Variants in SMCHD1 observed in about 807,000 individuals in gnomAD.
The protein encoded by SMCHD1 is structural maintenance of chromosomes flexible hinge domain-containing protein 1.
In SMCHD1, 78 loss-of-function variants were observed where a neutral mutation model predicts 254.7. That is an observed-to-expected ratio of 0.31 (90% CI 0.26 to 0.37). SMCHD1 has a LOEUF of 0.37. Among genes scored for constraint, SMCHD1 ranks in the 10% least tolerant of loss-of-function variants. The probability of loss-of-function intolerance (pLI) is 1.00; values close to 1 mark genes in which losing one functional copy is unlikely to be tolerated. For synonymous variants in SMCHD1, 766 were observed against 794.9 expected (o/e 0.96, Z 0.61); for missense variants, 1,840 against 2,408.1 (o/e 0.76, Z 4.94).
intron 19 of SMCHD1, among the ~76,000 whole-genome samples, chr18:2,720,874 C>T (rs1001968708): frequency 6.6e-6 from 1 of 152,192 alleles, no homozygotes; most frequent in Non-Finnish European, 1.5e-5. Flanking sequence ...TTCTTGGCCT[C>T]CCAAAGTGCT....
chr18:2,716,202 T>G (rs2074795583), intron 17 of SMCHD1, among the ~76,000 whole-genome samples: 1 of 152,210 alleles, frequency 6.6e-6, no homozygotes, highest in Non-Finnish European at 1.5e-5. Flanking sequence ...CTTTCTCCAG[T>G]GCTGGCTGTT....
chr18:2,784,391 CT>C (rs2076207026), intron 44 of SMCHD1, 58 bp from the exon 45 acceptor site: 2 of 1,378,660 alleles, frequency 1.5e-6, no homozygotes, highest in Admixed American at 2.8e-5. Context: ...ATTATTTCTC[CT>C]TTTTTGGAGC....
At chr18:2,672,636 G>A (rs560184281) in intron 3 of SMCHD1, among the ~76,000 whole-genome samples, 16 of 152,218 alleles carry the variant, frequency 1.1e-4, no homozygotes, top group Non-Finnish European at 2.1e-4. Context: ...ATAAAAGCAG[G>A]AAATAGTGTG....
intron 34 of SMCHD1, among the ~76,000 whole-genome samples, chr18:2,758,834 G>A (rs9303910): frequency 0.4 from 60,192 of 151,778 alleles, 12,711 homozygotes; most frequent in South Asian, 0.6. Context: ...CAGTTTTACT[G>A]TGATATGTCT....
intron 19 of SMCHD1, 146 bp from the exon 20 acceptor site, chr18:2,722,373 T>C (rs2074945526): frequency 1.5e-6 from 1 of 684,174 alleles, no homozygotes; most frequent in African/African-American, 1.8e-5. Flanking sequence ...ACATATAATT[T>C]TTGCGCTGAT....
intron 3 of SMCHD1, among the ~76,000 whole-genome samples, chr18:2,670,282 T>A (rs2073559880): frequency 6.6e-6 from 1 of 152,136 alleles, no homozygotes; most frequent in South Asian, 2.1e-4. Flanking sequence ...GCCCTCTGCT[T>A]GGAATGCTTT....
At chr18:2,705,170 G>T (rs1344428923) in intron 13 of SMCHD1, among the ~76,000 whole-genome samples, 1 of 152,138 alleles carries the variant, frequency 6.6e-6, no homozygotes, top group Admixed American at 6.6e-5. Flanking sequence ...TTTAGAAATG[G>T]GGCAGGCAAG....
At chr18:2,674,560 T>G (rs555765301) in intron 5 of SMCHD1, among the ~76,000 whole-genome samples, 45 of 152,186 alleles carry the variant, frequency 3.0e-4, no homozygotes, top group Non-Finnish European at 4.9e-4. Flanking sequence ...TGCAAAACAT[T>G]CAGGAGTGGA....
chr18:2,690,926 G>A (rs570143678), intron 7 of SMCHD1, among the ~76,000 whole-genome samples: 2 of 147,388 alleles, frequency 1.4e-5, no homozygotes, highest in South Asian at 4.3e-4. Flanking sequence ...GAGAAGGGGA[G>A]AGGGCAGCAA....
In SMCHD1 at chr18:2,666,926, C is replaced by T. The variant is rs769766392; in HGVS notation, c.319C>T (p.Leu107=). The change falls in exon 3 of 48, where the codon CTA becomes TTA. Residue 107 remains leucine (L), a synonymous_variant. Coordinates refer to ENST00000320876, the MANE Select transcript of SMCHD1 (RefSeq NM_015295.3). ...CCTGCTACAGTCGGTCAATCAGTTACTACTGACAGCTACGAAAGAACGAAT... is the reference window on the plus strand; with the variant it reads ...CCTGCTACAGTCGGTCAATCAGTTATTACTGACAGCTACGAAAGAACGAAT... ...LYLLQSVNQL[L]LTATKERIDF... The T allele has an allele frequency of 2.6e-5, 42 of 1,612,712 alleles. No homozygotes were observed. Among genetic ancestry groups the T allele is most frequent in the Non-Finnish European group, 3.3e-5 (39 of 1,179,054 alleles).
intron 45 of SMCHD1, among the ~76,000 whole-genome samples, chr18:2,791,692 T>C (rs1371025434): frequency 6.6e-6 from 1 of 152,194 alleles, no homozygotes; most frequent in Non-Finnish European, 1.5e-5. Context: ...AGAGAGATTT[T>C]CCAGACTACG....
At chr18:2,715,903 T>C (rs560839713) in intron 17 of SMCHD1, among the ~76,000 whole-genome samples, 30 of 152,278 alleles carry the variant, frequency 2.0e-4, no homozygotes, top group African/African-American at 7.0e-4. Flanking sequence ...TTTCAAAGAT[T>C]TCTTTTTGGT....
intron 37 of SMCHD1, among the ~76,000 whole-genome samples, chr18:2,765,290 G>T (rs1184217169): frequency 2.0e-5 from 3 of 151,886 alleles, no homozygotes; most frequent in Non-Finnish European, 4.4e-5. Context: ...GATATATCTG[G>T]ATTTTATTGA....
In SMCHD1 at chr18:2,769,733, A is replaced by G. The variant is rs756181829; in HGVS notation, c.4759A>G (p.Thr1587Ala). ...AGAAAGTAGTCCTGGAAGGGATAGT[A>G]CTGAATATTTTATTGTATTTGAGCC... ...LAESSPGRDS[T>A]EYFIVFEPRL... Residue 1587 changes from threonine (T) to alanine (A), a missense_variant, in exon 38 of 48, where the codon ACT (threonine) becomes GCT (alanine). By Grantham distance (58) the Thr-to-Ala change is moderately conservative. This residue lies in a region of SMCHD1 where 881 missense variants were observed against 1,009.5 expected (regional missense o/e 0.87). Transcript: ENST00000320876. 28 of 1,602,448 alleles carry G rather than the reference A, an allele frequency of 1.7e-5. No individual in the cohort carries two copies. The highest frequency in any genetic ancestry group is 2.2e-5 in the Non-Finnish European group (26 of 1,173,422).
At position 2,784,533 on chromosome 18, in the gene SMCHD1, G is replaced by C; in HGVS notation, c.5631G>C (p.Gln1877His). 1 of 1,612,886 alleles carries C rather than the reference G, an allele frequency of 6.2e-7. No individual in the cohort carries two copies. The highest frequency in any genetic ancestry group is 8.5e-7 in the Non-Finnish European group (1 of 1,179,488). ...GTAATGGAAAGTTTGGGGGCCTTCA[G>C]AATAAAGCTCCTCCAATGGATAAAC... is the stretch of plus-strand genomic sequence containing the variant. ...IRSNGKFGGLQNKAPPMDKLR... is the reference protein window; with the variant it reads ...IRSNGKFGGLHNKAPPMDKLR... Residue 1877 changes from glutamine (Q) to histidine (H), a missense_variant, in exon 45 of 48, where the codon CAG (glutamine) becomes CAC (histidine). Gln to His is a conservative substitution (Grantham distance 24, BLOSUM62 0). Around this residue, in one of 9 missense-constraint regions of SMCHD1, gnomAD observed 114 missense variants for 217.6 expected, o/e 0.52. Transcript: ENST00000320876.
chr18:2,725,979 C>T (rs924739593), intron 21 of SMCHD1, among the ~76,000 whole-genome samples: 1 of 151,804 alleles, frequency 6.6e-6, no homozygotes, highest in South Asian at 2.1e-4. Flanking sequence ...ATACTACTGA[C>T]AAAACCGTGG....
chr18:2,772,111 G>GTT, intron 40 of SMCHD1, 139 bp from the exon 41 acceptor site: 62 of 558,998 alleles, frequency 1.1e-4, no homozygotes, highest in African/African-American at 1.4e-4. Flanking sequence ...TTTTCTGATA[G>GTT]TTTTTTTTTT....
chr18:2,701,058 T>C lies in SMCHD1; in HGVS notation c.1647+140T>C, dbSNP rs2074388314. On this transcript the variant is annotated intron_variant, in intron 12 of 47. Coordinates refer to ENST00000320876, the MANE Select transcript of SMCHD1 (RefSeq NM_015295.3). The stretch of plus-strand genomic sequence containing the variant: ...ATAAATTTTTTTATGAGCAGTCAAG[T>C]GTTCACATTACTAAAAAATTTAAAG... The C allele has an allele frequency of 5.3e-6, 3 of 561,882 alleles. No individual in the cohort carries two copies. In the Admixed American group the frequency reaches 1.1e-4, roughly 20 times the overall value. 34.8% of individuals were successfully genotyped at this position (561,882 alleles called of 1,614,324 possible).
At chr18:2,675,725 A>T (rs1276683369) in intron 5 of SMCHD1, among the ~76,000 whole-genome samples, 4 of 152,332 alleles carry the variant, frequency 2.6e-5, no homozygotes, top group African/African-American at 9.6e-5. Flanking sequence ...GGTAGAACAG[A>T]TGGTAGATTA....
Sources: gnomAD v4.1 joint callset for allele counts (sites outside exome capture counted in the v4.1 genomes callset) on GRCh38, gnomAD v4.1.1 for gene constraint, gnomAD v4.1.1 regional missense constraint, MANE v1.5 for transcripts, NCBI Gene and HGNC (gene_info 2026-07-23, HGNC 2026-07-21) for gene names.